CDK14: variants seen among roughly 807,000 people sequenced by gnomAD.
The protein encoded by CDK14 is cyclin-dependent kinase 14.
A neutral mutation model predicts 60.7 loss-of-function variants in CDK14; 34 were observed. The ratio of observed to expected loss-of-function variants is 0.56; its 90% CI spans 0.43 to 0.75. The LOEUF (loss-of-function observed/expected upper bound fraction) is 0.75. Among genes scored for constraint, CDK14 ranks in the 30% least tolerant of loss-of-function variants. The probability of loss-of-function intolerance (pLI) is 0.00; values close to 1 mark genes in which losing one functional copy is unlikely to be tolerated. For missense variants in CDK14, 482 were observed against 564.1 expected, an observed-to-expected ratio of 0.85 and a Z score of 1.47; for synonymous variants, 197 against 203.7, an observed-to-expected ratio of 0.97 and a Z score of 0.28.
At chr7:90,731,918 G>A (rs190853645) in intron 3 of CDK14, among the ~76,000 whole-genome samples, 86 of 151,982 alleles carry the variant, frequency 5.7e-4, no homozygotes, top group Admixed American at 2.0e-3. Context: ...GTCTTGTGCC[G>A]GTTTTCAAAG....
Position 90,984,227 on chromosome 7 carries a change from G to C in CDK14, c.1027G>C (p.Glu343Gln), listed in dbSNP as rs756600731. 3 of 1,609,806 alleles carry C rather than the reference G, an allele frequency of 1.9e-6. No individual in the cohort carries two copies. The East Asian group carries it at 6.7e-5, about 36-fold the overall frequency. Residue 343 changes from glutamate (E) to glutamine (Q), a missense_variant, in exon 10 of 15, where the codon GAA becomes CAA. Coordinates refer to ENST00000380050, the MANE Select transcript of CDK14 (RefSeq NM_001287135.2). The stretch of plus-strand genomic sequence containing the variant: ...AATGAAAGACATTCAGGATCAACTT[G>C]AACGAATATTTCTGGTAAGTCCTTT... ...PGMKDIQDQLERIFLVLGTPN... is the reference protein window; with the variant it reads ...PGMKDIQDQLQRIFLVLGTPN...
At chr7:90,793,098 C>T (rs904429911) in intron 5 of CDK14, among the ~76,000 whole-genome samples, 1 of 146,060 alleles carries the variant, frequency 6.8e-6, no homozygotes, top group Admixed American at 6.8e-5. Context: ...TCTTTCCACT[C>T]TGTATATAAT....
At chr7:90,818,041 C>T (rs567510442) in intron 5 of CDK14, among the ~76,000 whole-genome samples, 7 of 152,264 alleles carry the variant, frequency 4.6e-5, no homozygotes, top group South Asian at 4.1e-4. Flanking sequence ...TGCTGCTTCC[C>T]GGAGGCAGGA....
intron 6 of CDK14, among the ~76,000 whole-genome samples, chr7:90,878,298 A>G (rs1356981618): frequency 1.3e-5 from 2 of 152,076 alleles, no homozygotes; most frequent in Non-Finnish European, 2.9e-5. Flanking sequence ...ACAGAGACCC[A>G]TTCTGATTGA....
intron 10 of CDK14, among the ~76,000 whole-genome samples, chr7:91,036,106 GT>G (rs773943030): frequency 2.0e-5 from 3 of 152,312 alleles, no homozygotes; most frequent in Non-Finnish European, 4.4e-5. Flanking sequence ...GCCTCCCAAA[GT>G]GCTGGGATTA....
chr7:90,781,911 G>T (rs1562767220), intron 4 of CDK14, among the ~76,000 whole-genome samples: 1 of 152,132 alleles, frequency 6.6e-6, no homozygotes. Flanking sequence ...CTCTTTTTTG[G>T]TTCCATATGA....
chr7:90,803,309 A>G (rs995641068), intron 5 of CDK14, among the ~76,000 whole-genome samples: 3 of 152,054 alleles, frequency 2.0e-5, no homozygotes, highest in African/African-American at 7.2e-5. Context: ...GAATTTACCT[A>G]TTTTCAGTTC....
At chr7:90,743,200 T>C (rs964054576) in intron 3 of CDK14, among the ~76,000 whole-genome samples, 3 of 152,104 alleles carry the variant, frequency 2.0e-5, no homozygotes, top group African/African-American at 7.2e-5. Context: ...ATGGGATACA[T>C]ATAGATAGTA....
chr7:90,666,302 T>C (rs1368020497), intron 2 of CDK14: 1 of 152,220 alleles, frequency 6.6e-6, no homozygotes, highest in Non-Finnish European at 1.5e-5. Flanking sequence ...GGATCAGGGT[T>C]AATGTTAAAA....
At chr7:91,174,701 G>A (rs1330762036) in intron 14 of CDK14, among the ~76,000 whole-genome samples, 2 of 131,502 alleles carry the variant, frequency 1.5e-5, no homozygotes, top group Non-Finnish European at 3.2e-5. Context: ...GGAAGAAAGG[G>A]TATCAGCAAT....
chr7:90,601,801 T>C (rs190369036), intron 1 of CDK14, among the ~76,000 whole-genome samples: 7 of 152,230 alleles, frequency 4.6e-5, no homozygotes, highest in African/African-American at 1.7e-4. Flanking sequence ...TCGCCCAGGC[T>C]GGAGTGCAGT....
chr7:90,723,596 A>G (rs1048469664), intron 2 of CDK14, among the ~76,000 whole-genome samples: 2 of 152,168 alleles, frequency 1.3e-5, no homozygotes, highest in African/African-American at 4.8e-5. Context: ...GATTTTTGCC[A>G]TATTATATTT....
At chr7:91,081,484 G>A (rs1208545197) in intron 12 of CDK14, among the ~76,000 whole-genome samples, 1 of 152,116 alleles carries the variant, frequency 6.6e-6, no homozygotes, top group African/African-American at 2.4e-5. Flanking sequence ...GTTTAGATGG[G>A]TTAATATAAG....
intron 3 of CDK14, among the ~76,000 whole-genome samples, chr7:90,735,833 C>T (rs565165558): frequency 4.0e-4 from 61 of 152,302 alleles, no homozygotes; most frequent in African/African-American, 1.2e-3. Context: ...GGGGAGTGAA[C>T]GGTTCTGTCT....
chr7:91,203,398 G>T (rs1366884804), intron 14 of CDK14, among the ~76,000 whole-genome samples: 4 of 152,206 alleles, frequency 2.6e-5, no homozygotes, highest in Non-Finnish European at 4.4e-5. Flanking sequence ...TGGGGACACA[G>T]CAGTCTACAA....
chr7:90,996,124 A>G (rs945584422), intron 10 of CDK14, among the ~76,000 whole-genome samples: 2 of 152,178 alleles, frequency 1.3e-5, no homozygotes, highest in South Asian at 2.1e-4. Flanking sequence ...GAGGATATTC[A>G]TGGCTTTGTG....
At position 90,726,639 on chromosome 7, in the gene CDK14, C is replaced by A; in HGVS notation, c.196C>A (p.Pro66Thr). ...DSVIKPLDTI[P>T]EDKKVRVQRT... ...AGTGATCAAACCCCTGGACACAATTCCTGAGGATAAAAAAGTCAGAGTTCA... is the reference window on the plus strand; with the variant it reads ...AGTGATCAAACCCCTGGACACAATTACTGAGGATAAAAAAGTCAGAGTTCA... Residue 66 changes from proline (P) to threonine (T), a missense_variant, in exon 3 of 15, where the codon CCT becomes ACT. Transcript: ENST00000380050. 6.2e-7 allele frequency: 1 copy of A among 1,613,758 alleles called. No homozygotes were observed.
intron 2 of CDK14, among the ~76,000 whole-genome samples, chr7:90,663,340 A>G (rs1452839375): frequency 6.6e-6 from 1 of 152,202 alleles, no homozygotes; most frequent in Non-Finnish European, 1.5e-5. Context: ...CCTGTCTTTC[A>G]TACGGAGGGT....
chr7:91,178,719 A>C (rs1011695574), intron 14 of CDK14, among the ~76,000 whole-genome samples: 4 of 151,834 alleles, frequency 2.6e-5, no homozygotes, highest in Admixed American at 6.6e-5. Context: ...GCTCATCATC[A>C]CTGGCCATCA....
Sources: allele counts gnomAD v4.1 joint callset (sites outside exome capture counted in the v4.1 genomes callset), GRCh38; gene constraint gnomAD v4.1.1; transcripts MANE v1.5; gene names NCBI Gene and HGNC (gene_info 2026-07-23, HGNC 2026-07-21).